CENPP: variants seen among roughly 807,000 people sequenced by gnomAD.
CENPP encodes centromere protein P.
A neutral mutation model predicts 35.6 loss-of-function variants in CENPP; 24 were observed. That is an observed-to-expected ratio of 0.67 (90% CI 0.49 to 0.95). The LOEUF (loss-of-function observed/expected upper bound fraction) is 0.95, where lower values mean the gene tolerates loss of function less well. Among genes scored for constraint, CENPP ranks in the 40% least tolerant of loss-of-function variants. The pLI, the probability that CENPP is intolerant of heterozygous loss-of-function variation, is 0.00. For synonymous variants in CENPP, 120 were observed against 125.5 expected, an observed-to-expected ratio of 0.96 and a Z score of 0.29; for missense variants, 332 against 345.3, an observed-to-expected ratio of 0.96 and a Z score of 0.31.
chr9:92,478,716 G>C (rs538520130), intron 5 of CENPP, among the ~76,000 whole-genome samples: 2 of 152,268 alleles, frequency 1.3e-5, no homozygotes, highest in South Asian at 4.1e-4. Flanking sequence ...GCCTCCCAAA[G>C]TGTGCCACTG....
intron 3 of CENPP, among the ~76,000 whole-genome samples, chr9:92,342,333 T>C (rs899216215): frequency 1.3e-5 from 2 of 152,272 alleles, no homozygotes; most frequent in African/African-American, 4.8e-5. Context: ...TAGCAGTTTC[T>C]GTCCTATATG....
chr9:92,440,346 A>AAAATAAATAAATAAATAAAT (rs58516284), intron 5 of CENPP, among the ~76,000 whole-genome samples: 3 of 142,462 alleles, frequency 2.1e-5, no homozygotes, highest in East Asian at 2.1e-4. Context: ...CTGATGAGTT[A>AAAATAAATAAATAAATAAAT]AAATAAATAA....
intron 1 of CENPP, among the ~76,000 whole-genome samples, chr9:92,330,930 TC>T (rs1346192876): frequency 2.0e-5 from 3 of 152,158 alleles, no homozygotes; most frequent in Non-Finnish European, 4.4e-5. Flanking sequence ...CCTCAAGTGA[TC>T]CACCTGCCTT....
At chr9:92,371,072 CA>C (rs1841994764) in intron 4 of CENPP, among the ~76,000 whole-genome samples, 3 of 152,002 alleles carry the variant, frequency 2.0e-5, no homozygotes, top group Admixed American at 2.0e-4. Context: ...TGGTCCTTTG[CA>C]TTATTTATTT....
At chr9:92,499,397 A>G (rs1033434903) in intron 5 of CENPP, among the ~76,000 whole-genome samples, 7 of 152,222 alleles carry the variant, frequency 4.6e-5, no homozygotes, top group African/African-American at 1.7e-4. Context: ...GCTAATGAGC[A>G]TGAGAAGCAT....
intron 5 of CENPP, among the ~76,000 whole-genome samples, chr9:92,552,118 TATG>T (rs561049279): frequency 6.9e-5 from 10 of 145,644 alleles, no homozygotes; most frequent in South Asian, 4.3e-4. Flanking sequence ...ATATATGTGA[TATG>T]ATAGATCTAT....
At chr9:92,460,492 C>T (rs765686923) in intron 5 of CENPP, 63 of 1,597,660 alleles carry the variant, frequency 3.9e-5, no homozygotes, top group Admixed American at 1.0e-4. Flanking sequence ...TTCTTTGTAT[C>T]GTTTAAAATC....
At chr9:92,393,349 G>T in intron 5 of CENPP, 1 of 847,826 alleles carries the variant, frequency 1.2e-6, no homozygotes, top group Non-Finnish European at 1.8e-6. Flanking sequence ...AATTTGAAGA[G>T]ATGTTTTACA....
At chr9:92,570,914 T>A (rs866388166) in intron 5 of CENPP, among the ~76,000 whole-genome samples, 4 of 150,262 alleles carry the variant, frequency 2.7e-5, no homozygotes, top group Non-Finnish European at 5.9e-5. Flanking sequence ...TCTGTGGGAT[T>A]GGTGGTGATA....
At chr9:92,411,021 C>CTGGA (rs1843430506) in intron 5 of CENPP, among the ~76,000 whole-genome samples, 1 of 152,100 alleles carries the variant, frequency 6.6e-6, no homozygotes, top group African/African-American at 2.4e-5. Context: ...GTCTCCCAGG[C>CTGGA]TGGAGTGCAG....
At chr9:92,433,702 C>T (rs1397758187) in intron 5 of CENPP, among the ~76,000 whole-genome samples, 1 of 151,898 alleles carries the variant, frequency 6.6e-6, no homozygotes, top group Non-Finnish European at 1.5e-5. Context: ...GAGGCCGAAG[C>T]AGGCAGATCA....
chr9:92,388,562 C>G (rs1254622317), intron 5 of CENPP, among the ~76,000 whole-genome samples: 2 of 151,642 alleles, frequency 1.3e-5, no homozygotes, highest in Non-Finnish European at 2.9e-5. Flanking sequence ...AAAAAAAGGC[C>G]AGGCACGGTG....
chr9:92,338,227 G>A (rs1187563696), intron 3 of CENPP, among the ~76,000 whole-genome samples: 1 of 152,088 alleles, frequency 6.6e-6, no homozygotes, highest in Non-Finnish European at 1.5e-5. Flanking sequence ...TAGAAGGATT[G>A]CTTGAGCCTA....
intron 5 of CENPP, among the ~76,000 whole-genome samples, chr9:92,389,019 G>T (rs1205458341): frequency 2.6e-5 from 4 of 152,016 alleles, no homozygotes; most frequent in African/African-American, 9.7e-5. Context: ...CTTTCTAACA[G>T]ATTGTACATT....
chr9:92,571,510 A>C (rs1042849701), intron 5 of CENPP, among the ~76,000 whole-genome samples: 28 of 152,268 alleles, frequency 1.8e-4, no homozygotes, highest in African/African-American at 6.3e-4. Flanking sequence ...CTATGTGGTC[A>C]ATTTTGGAGT....
At chr9:92,426,138 G>C (rs1178271207) in intron 5 of CENPP, among the ~76,000 whole-genome samples, 1 of 152,154 alleles carries the variant, frequency 6.6e-6, no homozygotes. Flanking sequence ...ATGGGGATGG[G>C]GGGAGGTGGT....
intron 4 of CENPP, among the ~76,000 whole-genome samples, chr9:92,347,987 G>T (rs545386387): frequency 6.6e-6 from 1 of 152,098 alleles, no homozygotes; most frequent in Non-Finnish European, 1.5e-5. Flanking sequence ...GGAATGGCAT[G>T]ATCTTGGCTC....
intron 5 of CENPP, among the ~76,000 whole-genome samples, chr9:92,441,441 A>T (rs1844384056): frequency 6.6e-6 from 1 of 152,148 alleles, no homozygotes; most frequent in Non-Finnish European, 1.5e-5. Flanking sequence ...GATGAAGGGG[A>T]AATGTATAGG....
intron 4 of CENPP, among the ~76,000 whole-genome samples, chr9:92,349,644 C>T (rs993330544): frequency 8.5e-5 from 13 of 152,130 alleles, no homozygotes; most frequent in Non-Finnish European, 1.3e-4. Flanking sequence ...CCTAGTGATC[C>T]GCCCACCTCA....
Sources: allele counts gnomAD v4.1 joint callset (sites outside exome capture counted in the v4.1 genomes callset), GRCh38; gene constraint gnomAD v4.1.1; transcripts MANE v1.5; gene names NCBI Gene and HGNC (gene_info 2026-07-23, HGNC 2026-07-21).